The following CHMP4B variants were observed in gnomAD, a reference collection of about 807,000 sequenced individuals.
The protein encoded by CHMP4B is SNF7 homolog associated with Alix 1.
In CHMP4B, 1 loss-of-function variant was observed where a neutral mutation model predicts 25.1. The observed-to-expected ratio is 0.04, with a 90% CI of 0.01 to 0.19. CHMP4B has a LOEUF of 0.19. CHMP4B is among the 10% of genes least tolerant of loss of function. The pLI, the probability that CHMP4B is intolerant of heterozygous loss-of-function variation, is 1.00. For synonymous variants in CHMP4B, 101 were observed against 115.6 expected (o/e 0.87, Z 0.81); for missense variants, 151 against 289.7 (o/e 0.52, Z 3.48).
chr20:33,823,830 G>A (rs780646951), intron 1 of CHMP4B, among the ~76,000 whole-genome samples: 4 of 152,034 alleles, frequency 2.6e-5, no homozygotes, highest in African/African-American at 7.2e-5. Flanking sequence ...GTGAGCCACC[G>A]CACCCAGCCT....
At chr20:33,825,992 T>C (rs1456364564) in intron 1 of CHMP4B, among the ~76,000 whole-genome samples, 1 of 152,164 alleles carries the variant, frequency 6.6e-6, no homozygotes, top group Non-Finnish European at 1.5e-5. Context: ...TCCACCCAGT[T>C]TGGCAAATAT....
At chr20:33,824,265 G>A (rs1415200482) in intron 1 of CHMP4B, among the ~76,000 whole-genome samples, 1 of 152,200 alleles carries the variant, frequency 6.6e-6, no homozygotes, top group Non-Finnish European at 1.5e-5. Flanking sequence ...CCTAGAGGCA[G>A]AGTCAAGGCT....
intron 1 of CHMP4B, among the ~76,000 whole-genome samples, chr20:33,814,051 C>T (rs924309056): frequency 2.6e-5 from 4 of 152,124 alleles, no homozygotes; most frequent in South Asian, 2.1e-4. Context: ...TTTTGGCGAT[C>T]GAATTGACTT....
intron 1 of CHMP4B, among the ~76,000 whole-genome samples, chr20:33,832,633 A>G (rs555633659): frequency 6.6e-6 from 1 of 152,242 alleles, no homozygotes; most frequent in Non-Finnish European, 1.5e-5. Flanking sequence ...CCTAGAAATG[A>G]CCAATTACAA....
intron 1 of CHMP4B, among the ~76,000 whole-genome samples, chr20:33,838,740 T>G (rs1979456218): frequency 6.6e-6 from 1 of 152,058 alleles, no homozygotes; most frequent in African/African-American, 2.4e-5. Flanking sequence ...GGAGGTCACT[T>G]TCCTTCCCAG....
intron 1 of CHMP4B, among the ~76,000 whole-genome samples, chr20:33,821,109 G>A (rs953108590): frequency 1.8e-4 from 27 of 152,130 alleles, no homozygotes; most frequent in Admixed American, 3.3e-4. Flanking sequence ...TGGTTTGGCC[G>A]GGTGCGGTGG....
chr20:33,844,269 G>A (rs568336648), intron 1 of CHMP4B, among the ~76,000 whole-genome samples: 5 of 152,276 alleles, frequency 3.3e-5, no homozygotes, highest in East Asian at 3.9e-4. Flanking sequence ...AGAGGTGCAC[G>A]GGAGATAAAA....
chr20:33,842,110 T>G (rs1427144061), intron 1 of CHMP4B, among the ~76,000 whole-genome samples: 1 of 152,194 alleles, frequency 6.6e-6, no homozygotes, highest in East Asian at 1.9e-4. Flanking sequence ...GCCCCCTCTA[T>G]TCTTGATGCC....
chr20:33,831,761 A>G (rs973454129), intron 1 of CHMP4B, among the ~76,000 whole-genome samples: 3 of 151,880 alleles, frequency 2.0e-5, no homozygotes, highest in African/African-American at 4.9e-5. Flanking sequence ...TTTCACATAT[A>G]CAGTTGTAAT....
chr20:33,811,687 C>G, intron 1 of CHMP4B, 29 bp downstream of exon 1: 2 of 1,605,508 alleles, frequency 1.2e-6, no homozygotes, highest in South Asian at 1.1e-5. Context: ...TTCAGACTTG[C>G]CACGGGCTCC....
chr20:33,842,729 T>C (rs1025943622), intron 1 of CHMP4B, among the ~76,000 whole-genome samples: 3 of 152,220 alleles, frequency 2.0e-5, no homozygotes, highest in African/African-American at 7.2e-5. Flanking sequence ...CTCCCAGCCC[T>C]GTACCTTCTG....
At chr20:33,817,074 G>C (rs1380009664) in intron 1 of CHMP4B, among the ~76,000 whole-genome samples, 1 of 152,180 alleles carries the variant, frequency 6.6e-6, no homozygotes, top group Non-Finnish European at 1.5e-5. Flanking sequence ...TGGTTCTCTG[G>C]AATCAAGATC....
intron 1 of CHMP4B, among the ~76,000 whole-genome samples, chr20:33,822,566 G>A (rs1978972029): frequency 6.6e-6 from 1 of 152,218 alleles, no homozygotes; most frequent in South Asian, 2.1e-4. Context: ...TCTGGAGGTA[G>A]GACTTTGGGT....
Position 33,854,071 on chromosome 20 carries a change from T to G in CHMP4B, c.*511T>G, listed in dbSNP as rs1268502023. ...ATTTTGATTTCCTCCAGAGCTGTGT[T>G]TCTGTCCATCACCTGTGTATTGGCC... On this transcript the variant is annotated 3_prime_UTR_variant, in exon 5 of 5. Coordinates refer to ENST00000217402, the MANE Select transcript of CHMP4B (RefSeq NM_176812.5). 1.0e-5 allele frequency: 2 copies of G among 200,546 alleles called. No individual in the cohort carries two copies. Among genetic ancestry groups the G allele is most frequent in the African/African-American group, 4.7e-5 (2 of 42,946 alleles). The allele number at this position is 200,546 out of a possible 1,614,324, so 12.4% of individuals were successfully genotyped here.
At chr20:33,822,971 G>A (rs1978986144) in intron 1 of CHMP4B, among the ~76,000 whole-genome samples, 1 of 151,732 alleles carries the variant, frequency 6.6e-6, no homozygotes, top group Non-Finnish European at 1.5e-5. Flanking sequence ...TGTATTTTTA[G>A]TAGAGATGGG....
rs745518277 is a variant in CHMP4B at position 33,853,596 on chromosome 20, G to A, written c.*36G>A. ...CGCTGGCTGGGCCCAGACAGACTGTGGTGGCCTGCGCAGCGAGCAGGCGTG... is the reference window on the plus strand; with the variant it reads ...CGCTGGCTGGGCCCAGACAGACTGTAGTGGCCTGCGCAGCGAGCAGGCGTG... On this transcript the variant is annotated 3_prime_UTR_variant, in exon 5 of 5. Coordinates refer to ENST00000217402, the MANE Select transcript of CHMP4B (RefSeq NM_176812.5). The A allele has an allele frequency of 6.3e-7, 1 of 1,593,002 alleles. No individual in the cohort carries two copies. The highest frequency in any genetic ancestry group is 1.1e-5 in the South Asian group (1 of 90,658).
At chr20:33,846,737 C>T (rs764006707) in intron 1 of CHMP4B, among the ~76,000 whole-genome samples, 1 of 152,146 alleles carries the variant, frequency 6.6e-6, no homozygotes, top group Admixed American at 6.5e-5. Flanking sequence ...GGGGTTTTGA[C>T]CTCCAGTCTG....
chr20:33,825,015 G>C (rs147541050), intron 1 of CHMP4B, among the ~76,000 whole-genome samples: 2 of 152,264 alleles, frequency 1.3e-5, no homozygotes, highest in East Asian at 3.9e-4. Context: ...TTGTTGTTCT[G>C]CTGGGGAAAC....
chr20:33,851,156 G>A (rs1979836503), intron 3 of CHMP4B, 90 bp downstream of exon 3: 1 of 854,124 alleles, frequency 1.2e-6, no homozygotes, highest in Non-Finnish European at 2.0e-6. Context: ...CAGGCAGGGA[G>A]CATTTGGACT....
Sources: gnomAD v4.1 joint callset for allele counts (sites outside exome capture counted in the v4.1 genomes callset) on GRCh38, gnomAD v4.1.1 for gene constraint, MANE v1.5 for transcripts, NCBI Gene and HGNC (gene_info 2026-07-23, HGNC 2026-07-21) for gene names.